The following GPAT4 variants were observed in gnomAD, a reference collection of about 807,000 sequenced individuals.
GPAT4 encodes glycerol-3-phosphate acyltransferase 4.
A neutral mutation model predicts 58.0 loss-of-function variants in GPAT4; 17 were observed. That is an observed-to-expected ratio of 0.29 (90% CI 0.20 to 0.44). The LOEUF (loss-of-function observed/expected upper bound fraction) is 0.44, where lower values mean the gene tolerates loss of function less well. Among genes scored for constraint, GPAT4 ranks in the 20% least tolerant of loss-of-function variants. The pLI, the probability that GPAT4 is intolerant of heterozygous loss-of-function variation, is 1.00. For missense variants in GPAT4, 377 were observed against 574.5 expected (o/e 0.66, Z 3.51); for synonymous variants, 204 against 210.1 (o/e 0.97, Z 0.25).
At chr8:41,619,292 A>T in intron 12 of GPAT4, 1 of 384,068 alleles carries the variant, frequency 2.6e-6, no homozygotes, top group South Asian at 3.8e-5. Flanking sequence ...AACTTCAAGA[A>T]GGAAGGAGGA....
intron 10 of GPAT4, among the ~76,000 whole-genome samples, chr8:41,616,484 G>A (rs1187506630): frequency 6.6e-6 from 1 of 152,130 alleles, no homozygotes; most frequent in Admixed American, 6.5e-5. Context: ...TTGTAGAGAC[G>A]GAGTTTCCCC....
At position 41,618,801 on chromosome 8, in the gene GPAT4, A is replaced by G. The variant is rs750971120; in HGVS notation, c.1171A>G (p.Met391Val). 13 of 1,614,114 alleles carry G rather than the reference A, an allele frequency of 8.1e-6. No individual in the cohort carries two copies. Among genetic ancestry groups the G allele is most frequent in the South Asian group, 1.1e-5 (1 of 91,092 alleles). Residue 391 changes from methionine to valine, a missense_variant, in exon 11 of 13, where the codon ATG (methionine) becomes GTG (valine). By Grantham distance (21) the Met-to-Val change is conservative. Coordinates refer to ENST00000396987, the MANE Select transcript of GPAT4 (RefSeq NM_178819.4). The part of the protein sequence containing the change: ...IVCSVWYLPP[M>V]TREADEDAVQ... ...CTGCAGCGTGTGGTACCTGCCTCCCATGACTAGAGAGGTGAGTGCCTGCCC... is the reference window on the plus strand; with the variant it reads ...CTGCAGCGTGTGGTACCTGCCTCCCGTGACTAGAGAGGTGAGTGCCTGCCC...
chr8:41,609,130 C>T (rs1267497687), intron 2 of GPAT4, among the ~76,000 whole-genome samples: 7 of 152,308 alleles, frequency 4.6e-5, no homozygotes, highest in East Asian at 3.9e-4. Flanking sequence ...CCCTACAGCC[C>T]GGAGACAGAG....
At chr8:41,599,384 A>G (rs963780853) in intron 2 of GPAT4, 80 bp downstream of exon 2, 29 of 1,509,160 alleles carry the variant, frequency 1.9e-5, no homozygotes, top group African/African-American at 1.4e-4. Context: ...TTACAGGCCT[A>G]TTATCTCTTT....
At position 41,599,021 on chromosome 8, in the gene GPAT4, G is replaced by T; in HGVS notation, c.-119G>T. Reference sequence around the variant, plus strand: ...TGAAGGGTGTGGACTTTGGAATGGGGTTTGCTGTTCTTCGGGAACTTGCTT... The same window carrying T: ...TGAAGGGTGTGGACTTTGGAATGGGTTTTGCTGTTCTTCGGGAACTTGCTT... On this transcript the variant is annotated 5_prime_UTR_variant, in exon 2 of 13. Coordinates refer to ENST00000396987, the MANE Select transcript of GPAT4 (RefSeq NM_178819.4). The T allele has an allele frequency of 7.5e-7, 1 of 1,340,270 alleles. No individual in the cohort carries two copies. Among genetic ancestry groups the T allele is most frequent in the African/African-American group, 1.5e-5 (1 of 68,094 alleles). The allele number at this position is 1,340,270 out of a possible 1,614,324, so 83.0% of individuals were successfully genotyped here. A position where few individuals can be genotyped will look rare whatever the true frequency, so the allele number is the denominator to read the frequency against.
At chr8:41,615,306 G>A (rs879291825) in intron 10 of GPAT4, among the ~76,000 whole-genome samples, 5 of 152,210 alleles carry the variant, frequency 3.3e-5, no homozygotes, top group Non-Finnish European at 7.3e-5. Context: ...GCCACCATTC[G>A]GGAAATGGCA....
intron 2 of GPAT4, among the ~76,000 whole-genome samples, chr8:41,601,187 G>C (rs955625196): frequency 1.3e-5 from 2 of 152,030 alleles, no homozygotes; most frequent in African/African-American, 4.8e-5. Context: ...GCTACTCAGA[G>C]AGCGATCTGG....
intron 10 of GPAT4, among the ~76,000 whole-genome samples, chr8:41,616,535 T>C (rs1416716343): frequency 6.6e-6 from 1 of 152,174 alleles, no homozygotes; most frequent in East Asian, 1.9e-4. Context: ...ACTCAAGTGA[T>C]CCGCCTGCCT....
Position 41,602,813 on chromosome 8 carries a change from G to A in GPAT4, c.165+3509G>A, listed in dbSNP as rs575254621. ...CATTTCTGGAGGCTGGGAAAACCAT[G>A]TCCAGGCACCAGCAGATTCAGTGTC... On this transcript the variant is annotated intron_variant, in intron 2 of 12. Transcript: ENST00000396987. Among the ~76,000 whole-genome samples the A allele has an allele frequency of 2.0e-5, 3 of 152,314 alleles. No individual in the cohort carries two copies. In the East Asian group the frequency reaches 5.8e-4, roughly 29 times the overall value.
intron 1 of GPAT4, among the ~76,000 whole-genome samples, chr8:41,595,781 TC>T (rs1802915124): frequency 6.6e-6 from 1 of 152,028 alleles, no homozygotes; most frequent in South Asian, 2.1e-4. Context: ...CCTCCTTGAC[TC>T]CGTCTTTGTC....
chr8:41,620,945 C>G lies in GPAT4; in HGVS notation c.1315C>G (p.Gln439Glu). 6.4e-7 allele frequency: 1 copy of G among 1,551,724 alleles called. No individual in the cohort carries two copies. ...KVKDTFKEEQ[Q>E]KLYSKMIVGN... ...GAAGGACACGTTCAAGGAGGAGCAG[C>G]AGAAGCTGTACAGCAAGATGATCGT... The change falls in exon 13 of 13, where the codon CAG becomes GAG. Residue 439 changes from glutamine to glutamate, a missense_variant. Transcript: ENST00000396987.
In GPAT4 at chr8:41,609,846, T is replaced by G; in HGVS notation, c.427T>G (p.Trp143Gly). The G allele has an allele frequency of 6.2e-7, 1 of 1,614,254 alleles. No individual in the cohort carries two copies. The highest frequency in any genetic ancestry group is 8.5e-7 in the Non-Finnish European group (1 of 1,180,052). The change falls in exon 4 of 13, where the codon TGG (tryptophan) becomes GGG (glycine). Residue 143 changes from tryptophan (W) to glycine (G), a missense_variant. Coordinates refer to ENST00000396987, the MANE Select transcript of GPAT4 (RefSeq NM_178819.4). ...ATTCTCAGCAGAAGAACTGGAGTCC[T>G]GGAACCTGCTGAGCAGAACCAATTA... The part of the protein sequence containing the change: ...KRFSAEELES[W>G]NLLSRTNYNF...
At chr8:41,614,581 G>A in intron 9 of GPAT4, 140 bp downstream of exon 9, 2 of 846,364 alleles carry the variant, frequency 2.4e-6, no homozygotes, top group South Asian at 3.3e-5. Flanking sequence ...CCTTTAGGTT[G>A]GAAGTAGGAC....
chr8:41,590,558 A>G (rs937072660), intron 1 of GPAT4, among the ~76,000 whole-genome samples: 5 of 152,190 alleles, frequency 3.3e-5, no homozygotes, highest in Admixed American at 2.0e-4. Context: ...CAGGATGACA[A>G]TGACTCCACC....
At chr8:41,601,376 A>G (rs1449336301) in intron 2 of GPAT4, among the ~76,000 whole-genome samples, 3 of 152,212 alleles carry the variant, frequency 2.0e-5, no homozygotes, top group Admixed American at 6.5e-5. Flanking sequence ...TAATTAGGAA[A>G]TGTAATTTTC....
intron 1 of GPAT4, among the ~76,000 whole-genome samples, chr8:41,593,232 A>G (rs1353197270): frequency 6.6e-6 from 1 of 152,178 alleles, no homozygotes; most frequent in Admixed American, 6.5e-5. Flanking sequence ...ATCTTATTTC[A>G]AAAACTGTGG....
chr8:41,598,978 G>T lies in GPAT4; in HGVS notation c.-162G>T. ...TGTTTTTCTGTCATTCTGTTCCCAG[G>T]CCTTCTATTCAGGCGGTTGAAGGGT... is the stretch of plus-strand genomic sequence containing the variant. On this transcript the variant is annotated 5_prime_UTR_variant, in exon 2 of 13. Coordinates refer to ENST00000396987, the MANE Select transcript of GPAT4 (RefSeq NM_178819.4). 4.5e-6 allele frequency: 4 copies of T among 895,184 alleles called. No individual in the cohort carries two copies. The highest frequency in any genetic ancestry group is 6.7e-6 in the Non-Finnish European group (4 of 597,660). 55.5% of individuals were successfully genotyped at this position (895,184 alleles called of 1,614,324 possible). A position where few individuals can be genotyped will look rare whatever the true frequency, so the allele number is the denominator to read the frequency against.
chr8:41,620,745 C>T (rs1803724199), intron 12 of GPAT4, 148 bp from the exon 13 acceptor site: 2 of 1,345,152 alleles, frequency 1.5e-6, no homozygotes, highest in African/African-American at 2.9e-5. Context: ...CCCCAAATCC[C>T]CTGAGGTTGT....
At chr8:41,617,996 A>G (rs529051358) in intron 10 of GPAT4, among the ~76,000 whole-genome samples, 2 of 152,330 alleles carry the variant, frequency 1.3e-5, no homozygotes, top group South Asian at 2.1e-4. Context: ...AGCTGCAGCT[A>G]CATTTTCTGC....
Sources: gnomAD v4.1 joint callset for allele counts (sites outside exome capture counted in the v4.1 genomes callset) on GRCh38, gnomAD v4.1.1 for gene constraint, MANE v1.5 for transcripts, NCBI Gene and HGNC (gene_info 2026-07-23, HGNC 2026-07-21) for gene names.